The following SAMD12 variants were observed in gnomAD, a reference collection of about 807,000 sequenced individuals.
The protein encoded by SAMD12 is sterile alpha motif domain-containing protein 12.
In SAMD12, 9 loss-of-function variants were observed where a neutral mutation model predicts 15.0. The ratio of observed to expected loss-of-function variants is 0.60; its 90% confidence interval spans 0.36 to 1.05. The LOEUF is 1.05. SAMD12 is among the 50% of genes least tolerant of loss of function. The pLI, the probability that SAMD12 is intolerant of heterozygous loss-of-function variation, is 0.01. For missense variants in SAMD12, 230 were observed against 234.2 expected (o/e 0.98, Z 0.12); for synonymous variants, 86 against 90.1 (o/e 0.96, Z 0.25).
rs1586381218 is a variant in SAMD12, at chr8:118,246,179, T to G, written c.434-48447A>C. On this transcript the variant is annotated intron_variant, in intron 4 of 4. Transcript: ENST00000409003. ...TTAGGAGCCTAGTCTAACAGGAGAGTTGTCAGTGGCCTCCAAAGTATCTGT... is the reference window on the plus strand; with the variant it reads ...TTAGGAGCCTAGTCTAACAGGAGAGGTGTCAGTGGCCTCCAAAGTATCTGT... Among the ~76,000 whole-genome samples, 6 of 151,302 alleles carry G rather than the reference T, an allele frequency of 4.0e-5. No homozygotes were observed. The South Asian group carries it at 1.3e-3, about 32-fold the overall frequency.
At chr8:118,256,399 T>A (rs1399931028) in intron 4 of SAMD12, among the ~76,000 whole-genome samples, 2 of 152,120 alleles carry the variant, frequency 1.3e-5, no homozygotes, top group African/African-American at 4.8e-5. Context: ...TATTTCCTCA[T>A]TGAAGCAGTG....
chr8:118,188,373 G>A (rs1009232196), downstream of SAMD12, among the ~76,000 whole-genome samples: 1 of 152,186 alleles, frequency 6.6e-6, no homozygotes, highest in Non-Finnish European at 1.5e-5. Flanking sequence ...TTTAAGTAGA[G>A]GAAGTAGGAG....
At chr8:118,236,548 TA>T (rs1281299193) in intron 4 of SAMD12, among the ~76,000 whole-genome samples, 2 of 152,146 alleles carry the variant, frequency 1.3e-5, no homozygotes, top group Non-Finnish European at 2.9e-5. Context: ...GGAATAAATA[TA>T]AAATAATGGA....
intron 2 of SAMD12, among the ~76,000 whole-genome samples, chr8:118,461,862 G>T (rs1823432868): frequency 6.6e-6 from 1 of 152,160 alleles, no homozygotes; most frequent in African/African-American, 2.4e-5. Context: ...TTATTGAAGG[G>T]CAAATTAGTG....
chr8:118,243,384 T>C (rs975530287), intron 4 of SAMD12, among the ~76,000 whole-genome samples: 3 of 152,074 alleles, frequency 2.0e-5, no homozygotes, highest in African/African-American at 7.2e-5. Context: ...TGGTATGCCA[T>C]GAATCAAGTA....
At position 118,508,045 on chromosome 8, in the gene SAMD12, G is replaced by T. The variant is rs142989089; in HGVS notation, c.193-68084C>A. Among the ~76,000 whole-genome samples the T allele has an allele frequency of 1.1e-3, 160 of 145,764 alleles. 1 individual carries two copies. Among genetic ancestry groups the T allele is most frequent in the African/African-American group, 3.9e-3 (152 of 39,146 alleles). Reference sequence around the variant, plus strand: ...GTCTCGCTCTGTCAACCATGCTGGGGTGCAGTGGTGCCATCATAGCTCACT... The same window carrying T: ...GTCTCGCTCTGTCAACCATGCTGGGTTGCAGTGGTGCCATCATAGCTCACT... On this transcript the variant is annotated intron_variant, in intron 2 of 3. Transcript: ENST00000314727.
At chr8:118,290,827 T>G (rs1447366872) in intron 4 of SAMD12, among the ~76,000 whole-genome samples, 1 of 152,218 alleles carries the variant, frequency 6.6e-6, no homozygotes, top group Non-Finnish European at 1.5e-5. Context: ...TTTCTATGAC[T>G]GCAAATATAT....
chr8:118,425,844 C>T (rs1056302327), intron 3 of SAMD12, among the ~76,000 whole-genome samples: 5 of 152,136 alleles, frequency 3.3e-5, no homozygotes, highest in African/African-American at 1.2e-4. Context: ...AGTGTCTTGT[C>T]CATTTCAGAA....
chr8:118,457,851 T>C (rs1823305321), intron 2 of SAMD12, among the ~76,000 whole-genome samples: 2 of 152,220 alleles, frequency 1.3e-5, no homozygotes, highest in African/African-American at 4.8e-5. Flanking sequence ...CTTGGCCAAG[T>C]GGAAGCACTT....
chr8:118,620,752 CAAGG>C (rs1361559171), intron 1 of SAMD12, among the ~76,000 whole-genome samples: 1 of 152,186 alleles, frequency 6.6e-6, no homozygotes, highest in East Asian at 1.9e-4. Flanking sequence ...CTCTAGCCTA[CAAGG>C]AATAGGCTGA....
chr8:118,599,542 C>T (rs537336513), intron 1 of SAMD12, among the ~76,000 whole-genome samples: 1 of 152,246 alleles, frequency 6.6e-6, no homozygotes, highest in South Asian at 2.1e-4. Context: ...GTGGGGTGCT[C>T]AGTAAATACC....
the SAMD12 span, among the ~76,000 whole-genome samples, chr8:118,142,334 T>C: frequency 7.9e-5 from 12 of 152,338 alleles, 1 homozygote; most frequent in African/African-American, 2.6e-4. Context: ...AAAAGTCTAT[T>C]TCTGCAACTT....
chr8:118,445,365 T>A lies in SAMD12; in HGVS notation c.193-5404A>T, dbSNP rs549000982. Among the ~76,000 whole-genome samples the A allele has an allele frequency of 1.3e-3, 191 of 152,280 alleles. 1 individual carries two copies. The highest frequency in any genetic ancestry group is 3.4e-3 in the Middle Eastern group (1 of 294). On this transcript the variant is annotated intron_variant, in intron 2 of 3. Coordinates refer to ENST00000314727, the MANE Select transcript of SAMD12 (RefSeq NM_207506.3). Reference sequence around the variant, plus strand: ...TTCATGGAAAGAGGTGGTTAGAAAATTTTAAAAACATATCTTGTCTATTGC... The same window carrying A: ...TTCATGGAAAGAGGTGGTTAGAAAAATTTAAAAACATATCTTGTCTATTGC...
At chr8:118,348,994 T>C (rs1007369098) in intron 4 of SAMD12, among the ~76,000 whole-genome samples, 3 of 152,204 alleles carry the variant, frequency 2.0e-5, no homozygotes, top group Admixed American at 6.5e-5. Context: ...AGAACAGAAG[T>C]GATCTGCTTT....
chr8:118,448,964 T>C (rs986638765), intron 2 of SAMD12, among the ~76,000 whole-genome samples: 2 of 152,178 alleles, frequency 1.3e-5, no homozygotes, highest in African/African-American at 4.8e-5. Flanking sequence ...ACCGAAAGTG[T>C]ATCTTAATAT....
intron 4 of SAMD12, among the ~76,000 whole-genome samples, chr8:118,321,333 G>T (rs1816272712): frequency 6.9e-6 from 1 of 145,894 alleles, no homozygotes; most frequent in Non-Finnish European, 1.5e-5. Context: ...AGAAAAGTAG[G>T]CTTGGCACAG....
chr8:118,552,794 C>T (rs544460555), intron 2 of SAMD12, among the ~76,000 whole-genome samples: 70 of 152,194 alleles, frequency 4.6e-4, no homozygotes, highest in African/African-American at 1.6e-3. Context: ...ATTGTCTCAG[C>T]CCAAAATCTC....
chr8:118,217,282 G>A (rs201326816), intron 4 of SAMD12, among the ~76,000 whole-genome samples: 1 of 152,180 alleles, frequency 6.6e-6, no homozygotes, highest in Non-Finnish European at 1.5e-5. Flanking sequence ...GATTACAGGC[G>A]TGAGCCACTG....
downstream of SAMD12, among the ~76,000 whole-genome samples, chr8:118,373,716 G>A (rs563467603): frequency 1.3e-5 from 2 of 152,218 alleles, no homozygotes; most frequent in East Asian, 3.9e-4. Flanking sequence ...GAAGGCATAT[G>A]AGGATGGTAG....
Sources: gnomAD v4.1 joint callset for allele counts (sites outside exome capture counted in the v4.1 genomes callset) on GRCh38, gnomAD v4.1.1 for gene constraint, MANE v1.5 for transcripts, NCBI Gene and HGNC (gene_info 2026-07-23, HGNC 2026-07-21) for gene names.